Variants in STX8 observed in about 807,000 individuals in gnomAD.
STX8 encodes syntaxin 8.
In STX8, 23 loss-of-function variants were observed where a neutral mutation model predicts 37.5. The ratio of observed to expected loss-of-function variants is 0.61; its 90% confidence interval spans 0.44 to 0.87. The LOEUF (loss-of-function observed/expected upper bound fraction) is 0.87. Ranked by LOEUF, STX8 falls within the 40% of genes least tolerant of loss-of-function variation. STX8 has a pLI of 0.00. For missense variants in STX8, 313 were observed against 284.7 expected (o/e 1.10, Z -0.71); for synonymous variants, 115 against 99.1 (o/e 1.16, Z -0.95).
intron 4 of STX8, among the ~76,000 whole-genome samples, chr17:9,526,877 CAAAA>C (rs1240045329): frequency 6.7e-6 from 1 of 148,854 alleles, no homozygotes. Context: ...AAAACAAAAA[CAAAA>C]AAAAAGTAAC....
At chr17:9,285,965 C>T (rs1296588614) in intron 7 of STX8, among the ~76,000 whole-genome samples, 3 of 152,080 alleles carry the variant, frequency 2.0e-5, no homozygotes, top group African/African-American at 4.8e-5. Flanking sequence ...CCCATATTAC[C>T]GCATCCCACA....
intron 7 of STX8, among the ~76,000 whole-genome samples, chr17:9,267,666 C>T (rs1187469681): frequency 6.6e-6 from 1 of 152,198 alleles, no homozygotes; most frequent in Admixed American, 6.5e-5. Context: ...AAAAAATCCT[C>T]CAACAGCCTG....
chr17:9,272,661 A>C (rs1346351397), intron 7 of STX8, among the ~76,000 whole-genome samples: 2 of 152,198 alleles, frequency 1.3e-5, no homozygotes, highest in African/African-American at 4.8e-5. Context: ...TTCTTCGAAC[A>C]CCGTGGGTGA....
intron 7 of STX8, among the ~76,000 whole-genome samples, chr17:9,254,435 G>A (rs934558873): frequency 4.6e-5 from 7 of 151,334 alleles, no homozygotes; most frequent in South Asian, 2.1e-4. Context: ...GGAGTCTCGC[G>A]CCCAGGCTAG....
chr17:9,414,061 T>A (rs1296727780), intron 6 of STX8, among the ~76,000 whole-genome samples: 9 of 119,448 alleles, frequency 7.5e-5, no homozygotes, highest in Non-Finnish European at 1.1e-4. Flanking sequence ...CGTCTGTCCA[T>A]CCATCCATCC....
chr17:9,546,591 G>GTTTTTGTTTTTTTTT (rs1906529954), intron 3 of STX8, among the ~76,000 whole-genome samples: 1 of 52,208 alleles, frequency 1.9e-5, no homozygotes, highest in African/African-American at 8.2e-5. Context: ...TACAAAAGTG[G>GTTTTTGTTTTTTTTT]TTTTTTTTTT....
intron 4 of STX8, among the ~76,000 whole-genome samples, chr17:9,523,383 C>T (rs1166808546): frequency 5.0e-5 from 2 of 40,086 alleles, no homozygotes; most frequent in Non-Finnish European, 1.2e-4. Flanking sequence ...TATATATGTA[C>T]ATATATATAT....
At position 9,365,136 on chromosome 17, in the gene STX8, T is replaced by C. The variant is rs536652268; in HGVS notation, c.643+13416A>G. 3.3e-5 allele frequency among the ~76,000 whole-genome samples: 5 copies of C among 152,310 alleles called. No individual in the cohort carries two copies. In the East Asian group the frequency reaches 9.6e-4, roughly 29 times the overall value. On this transcript the variant is annotated intron_variant, in intron 7 of 7. Coordinates refer to ENST00000306357, the MANE Select transcript of STX8 (RefSeq NM_004853.3). ...AAAGAGAGATCCCAAAGTAGTATAT[T>C]GTGACATGTTTTATTTGGCCCACAT...
intron 7 of STX8, among the ~76,000 whole-genome samples, chr17:9,292,910 C>T (rs1908366205): frequency 6.6e-6 from 1 of 152,146 alleles, no homozygotes; most frequent in Admixed American, 6.5e-5. Context: ...AAACACAAGG[C>T]CTTACACCCA....
chr17:9,296,820 A>C (rs1164464463), intron 7 of STX8, among the ~76,000 whole-genome samples: 3 of 152,214 alleles, frequency 2.0e-5, no homozygotes, highest in Non-Finnish European at 4.4e-5. Context: ...GTGAGCTCCA[A>C]GGTGAGACAA....
At chr17:9,541,529 C>T (rs1336829914) in intron 4 of STX8, among the ~76,000 whole-genome samples, 1 of 152,198 alleles carries the variant, frequency 6.6e-6, no homozygotes, top group Non-Finnish European at 1.5e-5. Flanking sequence ...ATCACTTCAT[C>T]TGGTCCTAAC....
intron 6 of STX8, among the ~76,000 whole-genome samples, chr17:9,438,868 G>A (rs969792265): frequency 2.0e-5 from 3 of 152,106 alleles, no homozygotes; most frequent in African/African-American, 7.2e-5. Flanking sequence ...GGCGGAGCTT[G>A]CAGTGAGCTG....
chr17:9,459,793 G>C (rs1472029428), intron 6 of STX8, among the ~76,000 whole-genome samples: 1 of 152,256 alleles, frequency 6.6e-6, no homozygotes, highest in Non-Finnish European at 1.5e-5. Flanking sequence ...CGGATTACAG[G>C]AGTGAACCAC....
chr17:9,369,567 G>A (rs1343880310), intron 7 of STX8, among the ~76,000 whole-genome samples: 1 of 152,030 alleles, frequency 6.6e-6, no homozygotes, highest in Non-Finnish European at 1.5e-5. Flanking sequence ...TCTTACCTAT[G>A]TTTTATAAGG....
chr17:9,335,992 TTC>T (rs1910128455), intron 7 of STX8, among the ~76,000 whole-genome samples: 1 of 152,198 alleles, frequency 6.6e-6, no homozygotes, highest in African/African-American at 2.4e-5. Flanking sequence ...CAGGGAAGTT[TTC>T]TCTTTCTTAG....
At chr17:9,545,511 C>T (rs1327404046) in intron 3 of STX8, among the ~76,000 whole-genome samples, 1 of 152,174 alleles carries the variant, frequency 6.6e-6, no homozygotes, top group East Asian at 1.9e-4. Context: ...TAAACACTGA[C>T]GTGGATCATG....
intron 6 of STX8, among the ~76,000 whole-genome samples, chr17:9,417,162 T>C (rs975504028): frequency 6.6e-6 from 1 of 152,184 alleles, no homozygotes; most frequent in Non-Finnish European, 1.5e-5. Context: ...AGTAATCAAC[T>C]TCTGTCCTTC....
chr17:9,522,142 C>T (rs1597722453), intron 4 of STX8, among the ~76,000 whole-genome samples: 1 of 152,032 alleles, frequency 6.6e-6, no homozygotes, highest in African/African-American at 2.4e-5. Flanking sequence ...CACTTCTGTA[C>T]CTTAAATGTT....
At chr17:9,431,186 G>A (rs1043063811) in intron 6 of STX8, among the ~76,000 whole-genome samples, 2 of 150,118 alleles carry the variant, frequency 1.3e-5, no homozygotes, top group African/African-American at 4.9e-5. Context: ...ACCATGAGTT[G>A]CTGAGCATCT....
Sources: allele counts gnomAD v4.1 joint callset (sites outside exome capture counted in the v4.1 genomes callset), GRCh38; gene constraint gnomAD v4.1.1; transcripts MANE v1.5; gene names NCBI Gene and HGNC (gene_info 2026-07-23, HGNC 2026-07-21).